Variants in PLAC1 observed in about 807,000 individuals in gnomAD.
PLAC1 encodes the protein placenta-specific protein 1.
For synonymous variants in PLAC1, 68 were observed against 62.1 expected, an observed-to-expected ratio of 1.09 and a Z score of -0.44; for missense variants, 136 against 163.2, an observed-to-expected ratio of 0.83 and a Z score of 0.91.
chrX:134,661,689 G>A (rs933981211), upstream of PLAC1, among the ~76,000 whole-genome samples: 2 of 111,795 alleles, frequency 1.8e-5, no homozygotes, highest in African/African-American at 6.5e-5. Flanking sequence ...TATTTTAGAA[G>A]AGCCAGGGAA....
At chrX:134,683,868 T>C (rs989039869) in intron 2 of PLAC1, among the ~76,000 whole-genome samples, 2 of 111,935 alleles carry the variant, frequency 1.8e-5, no homozygotes, top group Admixed American at 9.4e-5. Context: ...GGCCTGAAAA[T>C]TGAGCTGGGC....
intron 2 of PLAC1, among the ~76,000 whole-genome samples, chrX:134,732,755 AAGGAATATGTCCAATGTCCTTGCT>A (rs1318520319): frequency 1.8e-5 from 2 of 112,289 alleles, no homozygotes; most frequent in Non-Finnish European, 3.8e-5. Context: ...CCTTATCTGC[AAGGAATATGTCCAATGTCCTTGCT>A]AGGAATATGT....
intron 1 of PLAC1, among the ~76,000 whole-genome samples, chrX:134,622,859 T>C (rs2078218062): frequency 1.8e-5 from 2 of 111,973 alleles, no homozygotes; most frequent in South Asian, 7.5e-4. Context: ...CTAGGACAGA[T>C]GGCCAGCCAC....
intron 2 of PLAC1, among the ~76,000 whole-genome samples, chrX:134,709,572 A>G (rs1189051752): frequency 2.7e-5 from 3 of 111,428 alleles, no homozygotes; most frequent in Non-Finnish European, 3.8e-5. Context: ...ACTGCACTCC[A>G]GCCTGGGAGA....
rs2078342207 is a variant in PLAC1 at position 134,647,829 on chromosome X, T to A, written c.-131+10499A>T. 2.7e-5 allele frequency among the ~76,000 whole-genome samples: 3 copies of A among 111,600 alleles called. No homozygotes were observed. In the South Asian group the frequency reaches 1.1e-3, roughly 42 times the overall value. The stretch of plus-strand genomic sequence containing the variant: ...ATTTCCATGGATGAAAACTTTGCAT[T>A]CAGGGGAAGACGAACCAAACATCTG... On this transcript the variant is annotated intron_variant, in intron 1 of 2. Transcript: ENST00000359237.
At chrX:134,762,311 TC>T (rs1376088507) in intron 1 of PLAC1, among the ~76,000 whole-genome samples, 1 of 109,461 alleles carries the variant, frequency 9.1e-6, no homozygotes, top group African/African-American at 3.3e-5. Context: ...CTTGAGTTGT[TC>T]CCTACTGGCT....
chrX:134,704,123 A>G (rs1291294215), intron 2 of PLAC1, among the ~76,000 whole-genome samples: 1 of 107,597 alleles, frequency 9.3e-6, no homozygotes, highest in Non-Finnish European at 1.9e-5. Flanking sequence ...ATTTCAGAAG[A>G]AGGCAGGGGA....
chrX:134,629,782 G>A (rs1040496137), intron 1 of PLAC1, among the ~76,000 whole-genome samples: 1 of 110,566 alleles, frequency 9.0e-6, no homozygotes, highest in African/African-American at 3.3e-5. Flanking sequence ...GACACAATCC[G>A]ATCTTCAGTC....
chrX:134,744,281 C>CA (rs779609449), intron 1 of PLAC1, among the ~76,000 whole-genome samples: 6,054 of 51,211 alleles, frequency 0.12, 576 homozygotes, highest in African/African-American at 0.29. Flanking sequence ...GACTCCATCT[C>CA]AAAAAAAAAA....
intron 2 of PLAC1, among the ~76,000 whole-genome samples, chrX:134,587,638 G>A (rs1330236236): frequency 2.7e-5 from 3 of 110,734 alleles, no homozygotes; most frequent in Admixed American, 1.9e-4. Flanking sequence ...CTAGGGAGGC[G>A]TAGCCCTTTA....
At chrX:134,763,860 G>A (rs373473060) in intron 1 of PLAC1, among the ~76,000 whole-genome samples, 2 of 92,358 alleles carry the variant, frequency 2.2e-5, no homozygotes, top group Non-Finnish European at 2.2e-5. Flanking sequence ...AAGAAAGAAA[G>A]AGAAAAGAAA....
intron 1 of PLAC1, among the ~76,000 whole-genome samples, chrX:134,755,655 T>C (rs775548579): frequency 4.6e-4 from 51 of 110,970 alleles, no homozygotes; most frequent in Admixed American, 1.7e-3. Flanking sequence ...TATCTTTTCA[T>C]ATATTTAAGG....
chrX:134,656,885 C>G (rs753703544), intron 1 of PLAC1, among the ~76,000 whole-genome samples: 2 of 111,971 alleles, frequency 1.8e-5, no homozygotes, highest in African/African-American at 6.5e-5. Flanking sequence ...CCATGCCCAG[C>G]CTTTTTTTTT....
intron 1 of PLAC1, among the ~76,000 whole-genome samples, chrX:134,652,889 T>C (rs1277255513): frequency 8.9e-6 from 1 of 111,972 alleles, no homozygotes; most frequent in Non-Finnish European, 1.9e-5. Flanking sequence ...GCAAAATCCT[T>C]GAGGCCTGAT....
chrX:134,707,166 C>A (rs1197247636), intron 2 of PLAC1, among the ~76,000 whole-genome samples: 1 of 112,014 alleles, frequency 8.9e-6, no homozygotes, highest in Non-Finnish European at 1.9e-5. Flanking sequence ...AAGGAAATGA[C>A]ATGGTATTTT....
intron 2 of PLAC1, among the ~76,000 whole-genome samples, chrX:134,671,590 GGAGAGAGA>G (rs567116941): frequency 0.014 from 1,450 of 104,807 alleles, 25 homozygotes; most frequent in African/African-American, 0.047. Flanking sequence ...TGGTAGAACA[GGAGAGAGA>G]GAGAGAGAGA....
intron 1 of PLAC1, among the ~76,000 whole-genome samples, chrX:134,613,695 C>T (rs1332905731): frequency 1.8e-5 from 2 of 111,091 alleles, no homozygotes; most frequent in Non-Finnish European, 1.9e-5. Context: ...CTTTGTGTTA[C>T]TCCAAGCAAA....
At chrX:134,625,870 G>A (rs2078234682) in intron 1 of PLAC1, among the ~76,000 whole-genome samples, 1 of 110,907 alleles carries the variant, frequency 9.0e-6, no homozygotes, top group African/African-American at 3.3e-5. Context: ...GGAGGCTGTA[G>A]GGTTTAAGAA....
At chrX:134,701,162 A>G (rs890288716) in intron 2 of PLAC1, among the ~76,000 whole-genome samples, 8 of 111,959 alleles carry the variant, frequency 7.1e-5, no homozygotes, top group Non-Finnish European at 1.5e-4. Context: ...TCTTTGACAA[A>G]GTTAACAAAA....
Sources: gnomAD v4.1 joint callset for allele counts (sites outside exome capture counted in the v4.1 genomes callset) on GRCh38, gnomAD v4.1.1 for gene constraint, MANE v1.5 for transcripts, NCBI Gene and HGNC (gene_info 2026-07-23, HGNC 2026-07-21) for gene names.